SDK1: variants seen among roughly 807,000 people sequenced by gnomAD.
The protein encoded by SDK1 is protein sidekick-1.
SDK1 carries 157 observed loss-of-function variants against 245.5 expected under a neutral mutation model. The observed-to-expected ratio is 0.64, with a 90% CI of 0.56 to 0.73. SDK1 has a LOEUF of 0.73. Among genes scored for constraint, SDK1 ranks in the 30% least tolerant of loss-of-function variants. The pLI is 0.00. For synonymous variants in SDK1, 1,647 were observed against 1,278.5 expected, an observed-to-expected ratio of 1.29 and a Z score of -6.15; for missense variants, 3,583 against 3,002.3, an observed-to-expected ratio of 1.19 and a Z score of -4.52.
chr7:4,125,837 G>A (rs934786650), intron 25 of SDK1, among the ~76,000 whole-genome samples: 1 of 152,178 alleles, frequency 6.6e-6, no homozygotes, highest in Non-Finnish European at 1.5e-5. Flanking sequence ...AGAGTGAGAA[G>A]ACTCTTAAGT....
intron 1 of SDK1, among the ~76,000 whole-genome samples, chr7:3,448,754 A>C (rs1439620830): frequency 6.6e-6 from 1 of 152,206 alleles, no homozygotes; most frequent in African/African-American, 2.4e-5. Context: ...AGTACTTTAA[A>C]AAAATATTTA....
At chr7:3,612,311 A>T (rs767553382) in intron 1 of SDK1, among the ~76,000 whole-genome samples, 2 of 152,252 alleles carry the variant, frequency 1.3e-5, no homozygotes, top group Non-Finnish European at 2.9e-5. Flanking sequence ...ATATTTGCAT[A>T]TTTAACTAGA....
At chr7:3,535,484 G>T (rs564264143) in intron 1 of SDK1, among the ~76,000 whole-genome samples, 57 of 152,198 alleles carry the variant, frequency 3.7e-4, no homozygotes, top group African/African-American at 1.3e-3. Context: ...AAGAAAGCTG[G>T]CTGGGGACCC....
chr7:3,555,643 G>T (rs1041237260), intron 1 of SDK1, among the ~76,000 whole-genome samples: 3 of 152,056 alleles, frequency 2.0e-5, no homozygotes, highest in Admixed American at 6.6e-5. Context: ...AGACAATTCA[G>T]TGGGAGAAAA....
At chr7:4,163,694 G>T (rs1055051423) in intron 32 of SDK1, among the ~76,000 whole-genome samples, 1 of 152,176 alleles carries the variant, frequency 6.6e-6, no homozygotes, top group Non-Finnish European at 1.5e-5. Flanking sequence ...AGCGCCAGCC[G>T]CAGCCTTCCT....
At chr7:3,376,847 T>A (rs1041515647) in intron 1 of SDK1, among the ~76,000 whole-genome samples, 1 of 152,182 alleles carries the variant, frequency 6.6e-6, no homozygotes, top group Non-Finnish European at 1.5e-5. Context: ...TCCTTTTTCT[T>A]TTCTTTCTTT....
intron 4 of SDK1, among the ~76,000 whole-genome samples, chr7:3,711,129 A>G (rs1483132686): frequency 1.3e-5 from 2 of 152,236 alleles, no homozygotes; most frequent in African/African-American, 4.8e-5. Context: ...GTCTTATTTA[A>G]GAAAGTTGAC....
At chr7:3,929,526 A>G (rs1008484914) in intron 5 of SDK1, among the ~76,000 whole-genome samples, 2 of 152,126 alleles carry the variant, frequency 1.3e-5, no homozygotes, top group African/African-American at 4.8e-5. Flanking sequence ...TTTCCCCAAG[A>G]CTGTGTTTGA....
At chr7:3,457,678 T>G (rs943086905) in intron 1 of SDK1, among the ~76,000 whole-genome samples, 8 of 152,148 alleles carry the variant, frequency 5.3e-5, no homozygotes, top group African/African-American at 1.9e-4. Context: ...TCCTTTTCCT[T>G]TTCTTCCTGG....
chr7:4,029,228 T>TTTTTTTTTTGGTG (rs746967075), intron 17 of SDK1, among the ~76,000 whole-genome samples: 2 of 112,088 alleles, frequency 1.8e-5, no homozygotes, highest in Non-Finnish European at 3.4e-5. Context: ...TTTTTTTTTT[T>TTTTTTTTTTGGTG]TGTGAAGAAG....
chr7:3,434,049 A>G (rs899861597), intron 1 of SDK1, among the ~76,000 whole-genome samples: 2 of 152,214 alleles, frequency 1.3e-5, no homozygotes, highest in Non-Finnish European at 1.5e-5. Context: ...TGTGCAGTCA[A>G]TAGAAGGAGG....
In SDK1 at chr7:3,345,124, A is replaced by G. The variant is rs1040919634; in HGVS notation, c.298+43240A>G. Among the ~76,000 whole-genome samples the G allele has an allele frequency of 1.3e-5, 2 of 152,218 alleles. 1 individual carries two copies. The highest frequency in any genetic ancestry group is 4.8e-5 in the African/African-American group (2 of 41,450). On this transcript the variant is annotated intron_variant, in intron 1 of 44. Coordinates refer to ENST00000404826, the MANE Select transcript of SDK1 (RefSeq NM_152744.4). Reference sequence around the variant, plus strand: ...GGTCTCCACGGAATGTGGTTTGATCACTGCTGCATTGAAGTACACAGAGGG... The same window carrying G: ...GGTCTCCACGGAATGTGGTTTGATCGCTGCTGCATTGAAGTACACAGAGGG...
At chr7:3,495,035 T>C (rs1385056672) in intron 1 of SDK1, among the ~76,000 whole-genome samples, 3 of 152,144 alleles carry the variant, frequency 2.0e-5, no homozygotes, top group Admixed American at 1.3e-4. Context: ...TCATCTAATT[T>C]CTTCAATTTG....
rs113712907 is a variant in SDK1, at chr7:3,878,942, TA to T, written c.847+57368del. On this transcript the variant is annotated intron_variant, in intron 5 of 44. Transcript: ENST00000404826. ...TGTGTAATCGCCACTCAGGTCAAGA[TA>T]AAAAAAAATTTTAATTAACATTTGC... Among the ~76,000 whole-genome samples the T allele has an allele frequency of 4.6e-4, 70 of 151,824 alleles. 3 individuals carry two copies. Among genetic ancestry groups the T allele is most frequent in the African/African-American group, 1.2e-3 (50 of 41,428 alleles).
intron 17 of SDK1, among the ~76,000 whole-genome samples, chr7:4,032,026 CAAAA>C (rs1190606605): frequency 6.8e-5 from 5 of 73,220 alleles, no homozygotes; most frequent in African/African-American, 9.1e-5. Context: ...GACTCTGCCT[CAAAA>C]AAAAAAAAAA....
intron 1 of SDK1, among the ~76,000 whole-genome samples, chr7:3,468,983 C>G (rs973548622): frequency 5.3e-5 from 8 of 152,144 alleles, no homozygotes; most frequent in Non-Finnish European, 7.3e-5. Flanking sequence ...GCTGAAGTTA[C>G]CATATGAAAT....
At chr7:3,391,647 T>C (rs1249343946) in intron 1 of SDK1, among the ~76,000 whole-genome samples, 1 of 150,948 alleles carries the variant, frequency 6.6e-6, no homozygotes, top group Non-Finnish European at 1.5e-5. Flanking sequence ...TTTTTTTTTT[T>C]TTTTTTTGAG....
intron 1 of SDK1, among the ~76,000 whole-genome samples, chr7:3,489,028 T>C (rs1194759962): frequency 2.0e-5 from 3 of 152,110 alleles, no homozygotes; most frequent in South Asian, 2.1e-4. Context: ...GGGAATGATA[T>C]CACCAGGGGT....
At chr7:4,127,552 A>G (rs1784471153) in intron 26 of SDK1, 56 bp downstream of exon 26, 1 of 1,280,810 alleles carries the variant, frequency 7.8e-7, no homozygotes, top group Non-Finnish European at 1.1e-6. Context: ...GGGAAATGGG[A>G]GCATGTGCTA....
Sources: gnomAD v4.1 joint callset for allele counts (sites outside exome capture counted in the v4.1 genomes callset) on GRCh38, gnomAD v4.1.1 for gene constraint, MANE v1.5 for transcripts, NCBI Gene and HGNC (gene_info 2026-07-23, HGNC 2026-07-21) for gene names.